CAST: variants seen among roughly 807,000 people sequenced by gnomAD.
The protein encoded by CAST is calpastatin, also known as MIR583 host.
Under a neutral mutation model 119.6 loss-of-function variants are expected in CAST, and 76 were observed. The ratio of observed to expected loss-of-function variants is 0.64; its 90% CI spans 0.53 to 0.77. The LOEUF is 0.77. Among genes scored for constraint, CAST ranks in the 30% least tolerant of loss-of-function variants. The pLI is 0.00. For synonymous variants in CAST, 319 were observed against 331.6 expected (o/e 0.96, Z 0.41); for missense variants, 953 against 946.5 (o/e 1.01, Z -0.09).
the CAST span, among the ~76,000 whole-genome samples, chr5:96,022,547 A>G: frequency 6.6e-6 from 1 of 152,236 alleles, no homozygotes; most frequent in Non-Finnish European, 1.5e-5. Context: ...TCTTAGAACC[A>G]TAGTTCCCCA....
intron 1 of CAST, among the ~76,000 whole-genome samples, chr5:96,624,522 C>A (rs1249944495): frequency 6.6e-6 from 1 of 152,162 alleles, no homozygotes; most frequent in East Asian, 1.9e-4. Flanking sequence ...TTGCTTCCTT[C>A]TAAATTGTGC....
At chr5:96,490,330 G>A in the CAST span, among the ~76,000 whole-genome samples, 1 of 147,890 alleles carries the variant, frequency 6.8e-6, no homozygotes, top group Admixed American at 6.9e-5. Flanking sequence ...TCAGCAGAGG[G>A]GTGTTGTGTG....
chr5:96,167,392 C>G, the CAST span, among the ~76,000 whole-genome samples: 1 of 152,008 alleles, frequency 6.6e-6, no homozygotes, highest in Non-Finnish European at 1.5e-5. Context: ...TTTTTTGGGG[C>G]GCAGTCCAAG....
At chr5:96,034,506 CATAT>C in the CAST span, among the ~76,000 whole-genome samples, 6 of 118,742 alleles carry the variant, frequency 5.1e-5, no homozygotes, top group African/African-American at 1.7e-4. Flanking sequence ...CACACACACA[CATAT>C]GTGTGTGTGT....
At chr5:96,085,315 A>G in the CAST span, among the ~76,000 whole-genome samples, 7 of 152,246 alleles carry the variant, frequency 4.6e-5, no homozygotes, top group African/African-American at 1.4e-4. Flanking sequence ...AAATTACATG[A>G]TTACAACACA....
At chr5:96,367,037 C>T in the CAST span, among the ~76,000 whole-genome samples, 1 of 152,250 alleles carries the variant, frequency 6.6e-6, no homozygotes, top group South Asian at 2.1e-4. Flanking sequence ...TGTTAGTTTC[C>T]CTTCTAACAG....
chr5:96,006,980 G>T, the CAST span, among the ~76,000 whole-genome samples: 1 of 152,156 alleles, frequency 6.6e-6, no homozygotes, highest in South Asian at 2.1e-4. Flanking sequence ...AGCCCTAATT[G>T]GCATAATAAC....
At chr5:96,268,235 T>A in the CAST span, among the ~76,000 whole-genome samples, 76 of 152,252 alleles carry the variant, frequency 5.0e-4, 1 homozygote, top group East Asian at 0.014. Flanking sequence ...TCCTTACTTA[T>A]CAATAATAAC....
chr5:96,071,554 C>CA, the CAST span, among the ~76,000 whole-genome samples: 1 of 152,126 alleles, frequency 6.6e-6, no homozygotes, highest in African/African-American at 2.4e-5. Flanking sequence ...CACCTGTACC[C>CA]AAAGTTTTCC....
At chr5:96,127,839 C>T in the CAST span, among the ~76,000 whole-genome samples, 2 of 151,980 alleles carry the variant, frequency 1.3e-5, no homozygotes, top group Non-Finnish European at 2.9e-5. Flanking sequence ...TTGTGATAAA[C>T]CCTGTTGGTA....
At chr5:96,415,252 T>G in the CAST span, among the ~76,000 whole-genome samples, 2 of 152,124 alleles carry the variant, frequency 1.3e-5, no homozygotes, top group Admixed American at 6.5e-5. Context: ...AGCAAGAGGG[T>G]GGGAATCAAG....
At chr5:96,357,964 CT>C in the CAST span, among the ~76,000 whole-genome samples, 5 of 151,900 alleles carry the variant, frequency 3.3e-5, no homozygotes, top group Admixed American at 2.0e-4. Flanking sequence ...TGGTCCTGAA[CT>C]TTTTTTTGTT....
intron 24 of CAST, 129 bp from the exon 25 acceptor site, chr5:96,762,145 A>G (rs546060804): frequency 2.0e-5 from 10 of 487,984 alleles, no homozygotes; most frequent in African/African-American, 2.0e-4. Context: ...ATTATATGTT[A>G]TTATGAGTCT....
At chr5:96,401,003 C>T in the CAST span, among the ~76,000 whole-genome samples, 1 of 133,406 alleles carries the variant, frequency 7.5e-6, no homozygotes, top group Non-Finnish European at 1.5e-5. Flanking sequence ...AGGAGAATGG[C>T]GTGAACCTGG....
intron 3 of CAST, chr5:96,702,990 T>G (rs773784558): frequency 1.7e-5 from 16 of 959,026 alleles, no homozygotes; most frequent in Non-Finnish European, 1.9e-5. Flanking sequence ...CCCGGCTACC[T>G]GCCCTGCGTG....
the CAST span, among the ~76,000 whole-genome samples, chr5:95,968,386 C>CA: frequency 1.3e-5 from 2 of 152,264 alleles, no homozygotes; most frequent in East Asian, 3.9e-4. Context: ...CTTGGTATAA[C>CA]AAATATGCAC....
At chr5:96,252,646 T>A in the CAST span, among the ~76,000 whole-genome samples, 4 of 152,168 alleles carry the variant, frequency 2.6e-5, no homozygotes, top group African/African-American at 9.7e-5. Context: ...CAATGTCAAT[T>A]CTTGATAAGC....
At chr5:96,246,464 G>A in the CAST span, among the ~76,000 whole-genome samples, 1 of 152,152 alleles carries the variant, frequency 6.6e-6, no homozygotes, top group Non-Finnish European at 1.5e-5. Context: ...GATTACAGGC[G>A]TGAGCCAAAG....
chr5:96,104,663 T>C, the CAST span, among the ~76,000 whole-genome samples: 3 of 151,126 alleles, frequency 2.0e-5, no homozygotes, highest in Non-Finnish European at 4.4e-5. Flanking sequence ...TGAAGTCAGG[T>C]AGTGTGATGC....
Sources: gnomAD v4.1 joint callset for allele counts (sites outside exome capture counted in the v4.1 genomes callset) on GRCh38, gnomAD v4.1.1 for gene constraint, MANE v1.5 for transcripts, NCBI Gene and HGNC (gene_info 2026-07-23, HGNC 2026-07-21) for gene names.